Variants in LRIG1 observed in about 807,000 individuals in gnomAD.
LRIG1 encodes the protein leucine rich repeats and immunoglobulin like domains 1, also known as leucine-rich repeats and immunoglobulin-like domains protein 1.
In LRIG1, 48 loss-of-function variants were observed where a neutral mutation model predicts 99.2. That is an observed-to-expected ratio of 0.48 (90% CI 0.38 to 0.62). The LOEUF (loss-of-function observed/expected upper bound fraction) is 0.62, where lower values mean the gene tolerates loss of function less well. Ranked by LOEUF, LRIG1 falls within the 20% of genes least tolerant of loss-of-function variation. The pLI is 0.00. For missense variants in LRIG1, 1,646 were observed against 1,434.4 expected (o/e 1.15, Z -2.38); for synonymous variants, 772 against 596.1 (o/e 1.29, Z -4.30).
At chr3:66,446,620 G>A (rs1041338381) in intron 3 of LRIG1, among the ~76,000 whole-genome samples, 4 of 151,770 alleles carry the variant, frequency 2.6e-5, no homozygotes, top group Non-Finnish European at 4.4e-5. Context: ...TGGCCAGGCT[G>A]GTCTCGAACT....
chr3:66,394,374 A>G (rs1253446918), intron 11 of LRIG1, among the ~76,000 whole-genome samples, 171 bp from the exon 12 acceptor site: 1 of 151,590 alleles, frequency 6.6e-6, no homozygotes, highest in African/African-American at 2.4e-5. Flanking sequence ...AGGGCAGTGC[A>G]TATAACCCAC....
intron 9 of LRIG1, among the ~76,000 whole-genome samples, chr3:66,402,536 T>G (rs1702098674): frequency 6.6e-6 from 1 of 150,982 alleles, no homozygotes; most frequent in Non-Finnish European, 1.5e-5. Context: ...CATTTTAATT[T>G]AGGTCTGACC....
intron 3 of LRIG1, among the ~76,000 whole-genome samples, chr3:66,446,393 G>A (rs918633333): frequency 6.9e-6 from 1 of 145,832 alleles, no homozygotes; most frequent in African/African-American, 2.5e-5. Context: ...ATCCTCTCCC[G>A]CCCACCCGCC....
intron 5 of LRIG1, among the ~76,000 whole-genome samples, chr3:66,413,971 A>G (rs977399251): frequency 6.4e-5 from 9 of 140,920 alleles, no homozygotes; most frequent in Admixed American, 1.4e-4. Flanking sequence ...AGGGCACAGG[A>G]AAAAAAAAAA....
At chr3:66,436,313 T>C (rs911387912) in intron 3 of LRIG1, among the ~76,000 whole-genome samples, 1 of 152,110 alleles carries the variant, frequency 6.6e-6, no homozygotes, top group Non-Finnish European at 1.5e-5. Flanking sequence ...AGGTGTTCCA[T>C]GGAAAGGGTG....
At chr3:66,384,491 C>G (rs1701263799) in intron 13 of LRIG1, among the ~76,000 whole-genome samples, 1 of 152,144 alleles carries the variant, frequency 6.6e-6, no homozygotes, top group Admixed American at 6.5e-5. Flanking sequence ...GCATTGTACA[C>G]CCTAGGCTGG....
intron 2 of LRIG1, among the ~76,000 whole-genome samples, chr3:66,452,799 C>T (rs930269520): frequency 7.2e-5 from 11 of 152,096 alleles, no homozygotes; most frequent in African/African-American, 2.7e-4. Context: ...TTCTTCAGTG[C>T]CAAAGCCAGT....
In LRIG1 at chr3:66,414,986, C is replaced by T. The variant is rs201416636; in HGVS notation, c.581G>A (p.Arg194His). 1.9e-6 allele frequency: 3 copies of T among 1,612,744 alleles called. No individual in the cohort carries two copies. Among genetic ancestry groups the T allele is most frequent in the Admixed American group, 1.7e-5 (1 of 59,820 alleles). Residue 194 changes from arginine to histidine, a missense_variant, in exon 5 of 19, where the codon CGC (arginine) becomes CAC (histidine). Transcript: ENST00000273261. The part of the protein sequence containing the change: ...DGLSRSLLTL[R>H]LSKNRITQLP... The stretch of plus-strand genomic sequence containing the variant: ...CTGGGTGATCCTGTTTTTGCTCAGG[C>T]GAAGAGTTAGCAGCGACCGTGACAG...
chr3:66,380,599 T>C lies in LRIG1; in HGVS notation c.3033A>G (p.Pro1011=), dbSNP rs1333075159. 1 of 1,614,004 alleles carries C rather than the reference T, an allele frequency of 6.2e-7. No individual in the cohort carries two copies. Among genetic ancestry groups the C allele is most frequent in the Non-Finnish European group, 8.5e-7 (1 of 1,179,920 alleles). Residue 1011 remains proline, a synonymous_variant, in exon 18 of 19, where the codon CCA becomes CCG. Coordinates refer to ENST00000273261, the MANE Select transcript of LRIG1 (RefSeq NM_015541.3). The part of the protein sequence containing the change: ...DRMLTAVKKK[P]MASLDGKGDS... Reference sequence around the variant, plus strand: ...TACCTTTCCCATCTAGAGATGCCATTGGCTTTTTCTTCACAGCCGTCAGCA... The same window carrying C: ...TACCTTTCCCATCTAGAGATGCCATCGGCTTTTTCTTCACAGCCGTCAGCA...
At chr3:66,463,382 C>T (rs1315876541) in intron 1 of LRIG1, among the ~76,000 whole-genome samples, 1 of 152,166 alleles carries the variant, frequency 6.6e-6, no homozygotes, top group African/African-American at 2.4e-5. Context: ...TAACCACAGG[C>T]AGGGAAAGCC....
Position 66,405,356 on chromosome 3 carries a change from C to T in LRIG1, c.1080-78G>A. The stretch of plus-strand genomic sequence containing the variant: ...GCAAACTCTCACCCAGCCTGCTGCT[C>T]GGAAGCTGAAGTCCCCTGGGTGCAT... On this transcript the variant is annotated intron_variant, in intron 8 of 18. Coordinates refer to ENST00000273261, the MANE Select transcript of LRIG1 (RefSeq NM_015541.3). 8 of 1,210,148 alleles carry T rather than the reference C, an allele frequency of 6.6e-6. 1 individual carries two copies. The highest frequency in any genetic ancestry group is 1.9e-4 in the Middle Eastern group (1 of 5,300). 75.0% of individuals were successfully genotyped at this position (1,210,148 alleles called of 1,614,324 possible). A position where few individuals can be genotyped will look rare whatever the true frequency, so the allele number is the denominator to read the frequency against.
chr3:66,438,224 C>T (rs1051880180), intron 3 of LRIG1, among the ~76,000 whole-genome samples: 14 of 152,134 alleles, frequency 9.2e-5, no homozygotes, highest in African/African-American at 1.7e-4. Flanking sequence ...TCCCACTCCA[C>T]GCAGACTCTG....
At chr3:66,393,636 A>G (rs1701713995) in intron 12 of LRIG1, among the ~76,000 whole-genome samples, 3 of 152,216 alleles carry the variant, frequency 2.0e-5, no homozygotes, top group South Asian at 2.1e-4. Flanking sequence ...TGTTCTCCTG[A>G]GACTTGTTCT....
rs912542052 is a variant in LRIG1, at chr3:66,398,985, T to A, written c.1217A>T (p.Glu406Val). 1.9e-6 allele frequency: 3 copies of A among 1,614,054 alleles called. No homozygotes were observed. Among genetic ancestry groups the A allele is most frequent in the African/African-American group, 1.3e-5 (1 of 74,930 alleles). Reference protein sequence around the residue: ...SVAKRAFSGLEGLEHLNLGGN... With the variant: ...SVAKRAFSGLVGLEHLNLGGN... Reference sequence around the variant, plus strand: ...AGATACTCACAGGTGCTCCAGGCCTTCCAGCCCCGAGAATGCTCTCTTAGC... The same window carrying A: ...AGATACTCACAGGTGCTCCAGGCCTACCAGCCCCGAGAATGCTCTCTTAGC... The change falls in exon 10 of 19, where the codon GAA (glutamate) becomes GTA (valine). Residue 406 changes from glutamate to valine, a missense_variant. Glu to Val is a moderately radical substitution (Grantham distance 121). Transcript: ENST00000273261.
intron 3 of LRIG1, among the ~76,000 whole-genome samples, chr3:66,431,173 G>A (rs568773842): frequency 1.4e-3 from 208 of 152,302 alleles, no homozygotes; most frequent in African/African-American, 4.3e-3. Context: ...TTGAGAAGAA[G>A]GCTAAACATA....
chr3:66,405,320 G>A (rs372931246), intron 8 of LRIG1, 42 bp from the exon 9 acceptor site: 97 of 1,519,742 alleles, frequency 6.4e-5, no homozygotes, highest in East Asian at 1.6e-4. Context: ...CAGTCGGGGC[G>A]TGAAGGGAAA....
At position 66,383,357 on chromosome 3, in the gene LRIG1, C is replaced by T. The variant is rs771808659; in HGVS notation, c.2116G>A (p.Val706Met). Residue 706 changes from valine to methionine, a missense_variant, in exon 15 of 19, where the codon GTG (valine) becomes ATG (methionine). Transcript: ENST00000273261. ...VVPLEDRVVSVGETVALQCKA... is the reference protein window; with the variant it reads ...VVPLEDRVVSMGETVALQCKA... ...CATTGGAGGGCCACTGTTTCTCCCA[C>T]AGATACCACACGGTCTTCCAAGGGG... The T allele has an allele frequency of 6.3e-7, 1 of 1,585,340 alleles. No homozygotes were observed. The highest frequency in any genetic ancestry group is 8.6e-7 in the Non-Finnish European group (1 of 1,161,098).
At chr3:66,404,445 G>A in intron 9 of LRIG1, 1 of 1,150,462 alleles carries the variant, frequency 8.7e-7, no homozygotes, top group Non-Finnish European at 1.1e-6. Context: ...TCCTTGGGTG[G>A]CATCTGCAGA....
intron 1 of LRIG1, among the ~76,000 whole-genome samples, chr3:66,484,711 G>A (rs1003078638): frequency 1.3e-5 from 2 of 152,238 alleles, no homozygotes; most frequent in South Asian, 2.1e-4. Context: ...TTTAAACAAT[G>A]GGATTCATGT....
Sources: gnomAD v4.1 joint callset for allele counts (sites outside exome capture counted in the v4.1 genomes callset) on GRCh38, gnomAD v4.1.1 for gene constraint, MANE v1.5 for transcripts, NCBI Gene and HGNC (gene_info 2026-07-23, HGNC 2026-07-21) for gene names.